The following CARD14 variants were observed in gnomAD, a reference collection of about 807,000 sequenced individuals.
The protein encoded by CARD14 is caspase recruitment domain-containing protein 14.
A neutral mutation model predicts 111.5 loss-of-function variants in CARD14; 107 were observed. The observed-to-expected ratio is 0.96, with a 90% CI of 0.82 to 1.13. CARD14 has a LOEUF of 1.13. CARD14 is among the 50% of genes most tolerant of loss of function. The pLI, the probability that CARD14 is intolerant of heterozygous loss-of-function variation, is 0.00. For synonymous variants in CARD14, 617 were observed against 579.6 expected, an observed-to-expected ratio of 1.06 and a Z score of -0.93; for missense variants, 1,322 against 1,362.3, an observed-to-expected ratio of 0.97 and a Z score of 0.47.
chr17:80,186,067 G>A (rs1326414277), intron 7 of CARD14, among the ~76,000 whole-genome samples: 1 of 152,252 alleles, frequency 6.6e-6, no homozygotes, highest in Admixed American at 6.5e-5. Flanking sequence ...AGACCAGCAA[G>A]CACCCTGCTC....
In CARD14 at chr17:80,182,332, G is replaced by A. The variant is rs2040200376; in HGVS notation, c.212-321G>A. Among the ~76,000 whole-genome samples, 1 of 152,166 alleles carries A rather than the reference G, an allele frequency of 6.6e-6. No individual in the cohort carries two copies. The highest frequency in any genetic ancestry group is 2.4e-5 in the African/African-American group (1 of 41,440). ...TCACCCACCAGCTTGCCAGGGAGGT[G>A]CTTGCAAGCAGGGACCCACCTCCTC... On this transcript the variant is annotated intron_variant, in intron 5 of 23. Transcript: ENST00000648509. The surrounding 1 kb of genome is among the most constrained non-coding windows in gnomAD (Gnocchi z 4.7).
chr17:80,202,203 C>G lies in CARD14; in HGVS notation c.2002C>G (p.Leu668Val), dbSNP rs749859410. The G allele has an allele frequency of 1.1e-5, 17 of 1,613,806 alleles. No individual in the cohort carries two copies. The South Asian group carries it at 1.8e-4, about 17-fold the overall frequency. Residue 668 changes from leucine to valine, a missense_variant, in exon 18 of 24, where the codon CTG (leucine) becomes GTG (valine). Leu to Val is a conservative substitution (Grantham distance 32). Coordinates refer to ENST00000648509, the MANE Select transcript of CARD14 (RefSeq NM_001366385.1). ...AGGTTATAAGAGGCTACTCCAGGAC[C>G]TGGAGGCCAAAGTGGCGACCTCGGG... ...TDGYKRLLQD[L>V]EAKVATSGDS... is the part of the protein sequence containing the mutation.
At chr17:80,187,878 A>G in intron 7 of CARD14, 1 of 985,596 alleles carries the variant, frequency 1.0e-6, no homozygotes. Context: ...CTGCAAGTCA[A>G]CACAGGAGCT....
In CARD14 at chr17:80,181,575, C is replaced by A. The variant is rs2040176727; in HGVS notation, c.137C>A (p.Ala46Asp). The change falls in exon 5 of 24, where the codon GCC (alanine) becomes GAC (aspartate). Residue 46 changes from alanine (A) to aspartate (D), a missense_variant. By Grantham distance (126) the Ala-to-Asp change is moderately radical. Transcript: ENST00000648509. ...CGCCTCACCCCCTACCTGCGCCAGG[C>A]CAAGGTGCTGTGCCAGCTGGACGAG... Reference protein sequence around the residue: ...PSRLTPYLRQAKVLCQLDEEE... With the variant: ...PSRLTPYLRQDKVLCQLDEEE... The A allele has an allele frequency of 1.3e-6, 2 of 1,565,826 alleles. No homozygotes were observed.
rs368705564 is a variant in CARD14 at position 80,205,143 on chromosome 17, C to T, written c.2507C>T (p.Ala836Val). The change falls in exon 21 of 24, where the codon GCG becomes GTG. Residue 836 changes from alanine to valine, a missense_variant. Ala to Val is a moderately conservative substitution (Grantham distance 64). Coordinates refer to ENST00000648509, the MANE Select transcript of CARD14 (RefSeq NM_001366385.1). Reference protein sequence around the residue: ...RPRPVLLVPRAVGKILSEKLC... With the variant: ...RPRPVLLVPRVVGKILSEKLC... Reference sequence around the variant, plus strand: ...CGGCCTGTGCTCCTCGTGCCCAGGGCGGTTGGGAAGATCCTGAGCGAGAAA... The same window carrying T: ...CGGCCTGTGCTCCTCGTGCCCAGGGTGGTTGGGAAGATCCTGAGCGAGAAA... 2.0e-5 allele frequency: 33 copies of T among 1,613,640 alleles called. No individual in the cohort carries two copies. The highest frequency in any genetic ancestry group is 9.3e-5 in the African/African-American group (7 of 74,920).
At position 80,189,940 on chromosome 17, in the gene CARD14, TG is replaced by T; in HGVS notation, c.963+72del. On this transcript the variant is annotated intron_variant, in intron 9 of 23. Coordinates refer to ENST00000648509, the MANE Select transcript of CARD14 (RefSeq NM_001366385.1). This position sits in a 1 kb window ranked among gnomAD's most constrained non-coding sequence, Gnocchi z 4.7. Reference sequence around the variant, plus strand: ...TGTCTCAGGGGTGCGGACAGGTCTGTGGGGAAGCCAGATTCCTTCATCCACG... The same window carrying T: ...TGTCTCAGGGGTGCGGACAGGTCTGTGGGAAGCCAGATTCCTTCATCCACG... The T allele has an allele frequency of 6.5e-7, 1 of 1,526,982 alleles. No individual in the cohort carries two copies. 94.6% of individuals were successfully genotyped at this position (1,526,982 alleles called of 1,614,324 possible).
In CARD14 at chr17:80,181,466, G is replaced by C; in HGVS notation, c.28G>C (p.Ala10Pro). MGELCRRDSALTALDEETLW... is the reference protein window; with the variant it reads MGELCRRDSPLTALDEETLW... ...GGGGGAACTGTGCCGCAGGGACTCC[G>C]CACTCACGGCACTGGACGAGGAGAC... is the stretch of plus-strand genomic sequence containing the variant. Residue 10 changes from alanine to proline, a missense_variant, in exon 5 of 24, where the codon GCA becomes CCA. Transcript: ENST00000648509. The C allele has an allele frequency of 3.2e-6, 5 of 1,582,278 alleles. No homozygotes were observed. Among genetic ancestry groups the C allele is most frequent in the Non-Finnish European group, 3.4e-6 (4 of 1,163,974 alleles).
intron 2 of CARD14, among the ~76,000 whole-genome samples, chr17:80,177,068 C>T (rs559312895): frequency 1.3e-5 from 2 of 152,240 alleles, no homozygotes; most frequent in African/African-American, 2.4e-5. Flanking sequence ...TGAGCAGGGC[C>T]GCACCCCCAT....
At chr17:80,181,036 T>A (rs2040156236) in intron 4 of CARD14, among the ~76,000 whole-genome samples, 1 of 151,686 alleles carries the variant, frequency 6.6e-6, no homozygotes, top group Non-Finnish European at 1.5e-5. Flanking sequence ...GTGCTGGGAT[T>A]ATAGGCGTGA....
At position 80,179,112 on chromosome 17, in the gene CARD14, T is replaced by C. The variant is rs1018558497; in HGVS notation, c.-210T>C. Reference sequence around the variant, plus strand: ...TTTTCAAGTATTTTTAGCATACAGATCCCTGCAAGAGGCATCTGTCTCCAG... The same window carrying C: ...TTTTCAAGTATTTTTAGCATACAGACCCCTGCAAGAGGCATCTGTCTCCAG... On this transcript the variant is annotated 5_prime_UTR_variant, in exon 4 of 24. Coordinates refer to ENST00000648509, the MANE Select transcript of CARD14 (RefSeq NM_001366385.1). 2 of 152,204 alleles carry C rather than the reference T, an allele frequency of 1.3e-5. No homozygotes were observed. The highest frequency in any genetic ancestry group is 4.8e-5 in the African/African-American group (2 of 41,452). 9.4% of individuals were successfully genotyped at this position (152,204 alleles called of 1,614,324 possible). A position where few individuals can be genotyped will look rare whatever the true frequency, so the allele number is the denominator to read the frequency against.
At position 80,182,519 on chromosome 17, in the gene CARD14, G is replaced by A. The variant is rs907695499; in HGVS notation, c.212-134G>A. ...CCCACCCAGCAGAACCCAGAAAACCGCTTTCACCTCCCGATTCTTACATGT... is the reference window on the plus strand; with the variant it reads ...CCCACCCAGCAGAACCCAGAAAACCACTTTCACCTCCCGATTCTTACATGT... On this transcript the variant is annotated intron_variant, in intron 5 of 23. Transcript: ENST00000648509. This position sits in a 1 kb window ranked among gnomAD's most constrained non-coding sequence, Gnocchi z 4.7. 2.6e-5 allele frequency: 28 copies of A among 1,070,158 alleles called. No homozygotes were observed. In the African/African-American group the frequency reaches 2.7e-4, roughly 10 times the overall value. The allele number at this position is 1,070,158 out of a possible 1,614,324, so 66.3% of individuals were successfully genotyped here.
At chr17:80,174,702 C>T (rs1243100627) in intron 2 of CARD14, among the ~76,000 whole-genome samples, 4 of 152,150 alleles carry the variant, frequency 2.6e-5, no homozygotes, top group African/African-American at 4.8e-5. Context: ...GGTTGCCCTG[C>T]GCTGAGAAGG....
At position 80,182,793 on chromosome 17, in the gene CARD14, G is replaced by A; in HGVS notation, c.349+3G>A. ...TGTTGACTTCAGTAACTTTAGCGGT[G>A]AGAGCTCCGACTTTGACGGTTTGGC... On this transcript the variant is annotated splice_donor_region_variant and intron_variant, in intron 6 of 23. Coordinates refer to ENST00000648509, the MANE Select transcript of CARD14 (RefSeq NM_001366385.1). This position sits in a 1 kb window ranked among gnomAD's most constrained non-coding sequence, Gnocchi z 4.7. The A allele has an allele frequency of 6.2e-7, 1 of 1,614,112 alleles. No individual in the cohort carries two copies. The highest frequency in any genetic ancestry group is 2.2e-5 in the East Asian group (1 of 44,888).
Position 80,182,736 on chromosome 17 carries a change from G to A in CARD14, c.295G>A (p.Val99Ile), listed in dbSNP as rs778679607. ...LESLKFHNPD[V>I]YTLVTGLQPD... ...GAGCCTGAAGTTCCACAACCCTGACGTCTACACCCTGGTCACCGGGCTGCA... is the reference window on the plus strand; with the variant it reads ...GAGCCTGAAGTTCCACAACCCTGACATCTACACCCTGGTCACCGGGCTGCA... Residue 99 changes from valine to isoleucine, a missense_variant, in exon 6 of 24, where the codon GTC (valine) becomes ATC (isoleucine). Physicochemically the swap from Val to Ile is conservative, Grantham distance 29. Transcript: ENST00000648509. This position sits in a 1 kb window ranked among gnomAD's most constrained non-coding sequence, Gnocchi z 4.7. 8.1e-6 allele frequency: 13 copies of A among 1,613,874 alleles called. No homozygotes were observed. Among genetic ancestry groups the A allele is most frequent in the Admixed American group, 3.3e-5 (2 of 59,980 alleles).
chr17:80,181,392 C>T, intron 4 of CARD14, 27 bp from the exon 5 acceptor site: 4 of 1,527,974 alleles, frequency 2.6e-6, no homozygotes, highest in Non-Finnish European at 3.5e-6. Context: ...TACCTGACAA[C>T]TCCACCCCCA....
intron 21 of CARD14, 157 bp downstream of exon 21, chr17:80,205,362 G>T (rs2041240724): frequency 1.7e-6 from 2 of 1,159,920 alleles, no homozygotes; most frequent in Admixed American, 2.2e-5. Context: ...CAGGATGGAG[G>T]TGCAGGGCAC....
chr17:80,199,225 G>A (rs2040842797), intron 16 of CARD14, among the ~76,000 whole-genome samples: 2 of 152,104 alleles, frequency 1.3e-5, no homozygotes, highest in South Asian at 4.1e-4. Flanking sequence ...AGGTGTGGTG[G>A]CTCACGCCTG....
intron 21 of CARD14, 87 bp from the exon 22 acceptor site, chr17:80,205,444 T>G (rs1598714058): frequency 6.6e-7 from 1 of 1,517,054 alleles, no homozygotes. Flanking sequence ...GCTGGCAGGG[T>G]TCACGGGGAC....
At position 80,205,093 on chromosome 17, in the gene CARD14, G is replaced by A. The variant is rs763834649; in HGVS notation, c.2457G>A (p.Val819=). The A allele has an allele frequency of 9.9e-6, 16 of 1,613,198 alleles. No individual in the cohort carries two copies. In the Admixed American group the frequency reaches 1.0e-4, roughly 10 times the overall value. ...SCLTLVPYTL[V]RPHRPARPRP... is the part of the protein sequence containing the mutation. ...TCACCCTGGTGCCCTATACCCTGGT[G>A]CGGCCCCATCGACCCGCCCGGCCCC... Residue 819 remains valine, a synonymous_variant, in exon 21 of 24, where the codon GTG becomes GTA. Transcript: ENST00000648509.
Sources: allele counts gnomAD v4.1 joint callset (sites outside exome capture counted in the v4.1 genomes callset), GRCh38; gene constraint gnomAD v4.1.1; non-coding constraint Gnocchi (gnomAD v3.1); transcripts MANE v1.5; gene names NCBI Gene and HGNC (gene_info 2026-07-23, HGNC 2026-07-21).